Variants in NKAIN3 observed in about 807,000 individuals in gnomAD.
The protein encoded by NKAIN3 is sodium/potassium transporting ATPase interacting 3, also known as sodium/potassium-transporting ATPase subunit beta-1-interacting protein 3.
NKAIN3 carries 25 observed loss-of-function variants against 30.2 expected under a neutral mutation model. The ratio of observed to expected loss-of-function variants is 0.83; its 90% CI spans 0.60 to 1.16. The LOEUF (loss-of-function observed/expected upper bound fraction) is 1.16. Among genes scored for constraint, NKAIN3 ranks in the 50% most tolerant of loss-of-function variants. The probability of loss-of-function intolerance (pLI) is 0.00; values close to 1 mark genes in which losing one functional copy is unlikely to be tolerated. For missense variants in NKAIN3, 225 were observed against 254.1 expected (o/e 0.89, Z 0.78); for synonymous variants, 91 against 89.6 (o/e 1.02, Z -0.09).
intron 1 of NKAIN3, among the ~76,000 whole-genome samples, chr8:62,435,903 G>A (rs903799098): frequency 6.6e-6 from 1 of 152,098 alleles, no homozygotes; most frequent in Non-Finnish European, 1.5e-5. Flanking sequence ...ATTCAAAAAT[G>A]TAAAGACAAC....
chr8:62,879,234 G>T (rs1820896690), intron 4 of NKAIN3, among the ~76,000 whole-genome samples: 1 of 152,140 alleles, frequency 6.6e-6, no homozygotes, highest in Non-Finnish European at 1.5e-5. Context: ...TCTCATTGTG[G>T]TTTTGATTTG....
Position 62,967,749 on chromosome 8 carries a change from T to C in NKAIN3, c.*2342T>C, listed in dbSNP as rs527777079. Among the ~76,000 whole-genome samples, 1 of 152,242 alleles carries C rather than the reference T, an allele frequency of 6.6e-6. No individual in the cohort carries two copies. Among genetic ancestry groups the C allele is most frequent in the East Asian group, 1.9e-4 (1 of 5,172 alleles). ...AGAGAGTCAGTAAAAAAGGATAAAA[T>C]GAGTATTGACATATTTTAAACTGTC... On this transcript the variant is annotated 3_prime_UTR_variant, in exon 7 of 7. Coordinates refer to ENST00000623646, the MANE Select transcript of NKAIN3 (RefSeq NM_001304533.3).
intron 4 of NKAIN3, among the ~76,000 whole-genome samples, chr8:62,880,703 G>A (rs1474336351): frequency 1.3e-5 from 2 of 152,146 alleles, no homozygotes; most frequent in African/African-American, 4.8e-5. Context: ...GACATAGATG[G>A]TTTAGGCATC....
At position 62,928,889 on chromosome 8, in the gene NKAIN3, G is replaced by A. The variant is rs542351346; in HGVS notation, c.532+10376G>A. Reference sequence around the variant, plus strand: ...ACCTGAGAGAGTCTGTCAGAGAAAGGTTCCCTCGCAGACAGGGAGACCCCG... The same window carrying A: ...ACCTGAGAGAGTCTGTCAGAGAAAGATTCCCTCGCAGACAGGGAGACCCCG... On this transcript the variant is annotated intron_variant, in intron 5 of 6. Coordinates refer to ENST00000623646, the MANE Select transcript of NKAIN3 (RefSeq NM_001304533.3). 4.6e-5 allele frequency among the ~76,000 whole-genome samples: 7 copies of A among 152,288 alleles called. No homozygotes were observed. The East Asian group carries it at 1.2e-3, about 25-fold the overall frequency.
At chr8:62,253,759 G>A (rs1382615207) in intron 1 of NKAIN3, among the ~76,000 whole-genome samples, 2 of 152,150 alleles carry the variant, frequency 1.3e-5, no homozygotes, top group East Asian at 1.9e-4. Context: ...GGTGTCTGTA[G>A]GGGGGTGGTG....
At chr8:62,407,261 T>C (rs549012589) in intron 1 of NKAIN3, among the ~76,000 whole-genome samples, 192 of 151,812 alleles carry the variant, frequency 1.3e-3, no homozygotes, top group African/African-American at 4.5e-3. Flanking sequence ...TATATATATA[T>C]ACACAAAAAT....
intron 5 of NKAIN3, among the ~76,000 whole-genome samples, chr8:62,943,539 G>A (rs1823030327): frequency 6.8e-6 from 1 of 146,654 alleles, no homozygotes; most frequent in African/African-American, 2.7e-5. Context: ...CCACTACTGG[G>A]TATCTACCCA....
chr8:62,845,312 T>TATATATATAG (rs1299897352), intron 4 of NKAIN3, among the ~76,000 whole-genome samples: 2 of 140,184 alleles, frequency 1.4e-5, no homozygotes, highest in African/African-American at 5.3e-5. Context: ...TATATATATA[T>TATATATATAG]AGTACCTAAT....
intron 1 of NKAIN3, among the ~76,000 whole-genome samples, chr8:62,514,810 C>T (rs1807931035): frequency 6.6e-6 from 1 of 152,094 alleles, no homozygotes; most frequent in African/African-American, 2.4e-5. Flanking sequence ...ACCGATCTCT[C>T]TTTCCTTCTC....
intron 5 of NKAIN3, among the ~76,000 whole-genome samples, chr8:62,920,289 G>T (rs191968586): frequency 6.6e-6 from 1 of 152,282 alleles, no homozygotes; most frequent in East Asian, 1.9e-4. Context: ...AAAACAAACA[G>T]TCCTCTTTCT....
At chr8:62,791,174 C>T (rs1290159013) in intron 4 of NKAIN3, among the ~76,000 whole-genome samples, 2 of 151,990 alleles carry the variant, frequency 1.3e-5, no homozygotes, top group East Asian at 1.9e-4. Context: ...AGTTTCCACC[C>T]GTTTAGAGGA....
chr8:62,411,299 CATG>C (rs1804229380), intron 1 of NKAIN3, among the ~76,000 whole-genome samples: 1 of 152,092 alleles, frequency 6.6e-6, no homozygotes, highest in South Asian at 2.1e-4. Flanking sequence ...AAAGCAAAAA[CATG>C]AGATCCTTTC....
chr8:62,499,538 T>TG (rs1392712002), intron 1 of NKAIN3, among the ~76,000 whole-genome samples: 1 of 152,164 alleles, frequency 6.6e-6, no homozygotes, highest in Non-Finnish European at 1.5e-5. Flanking sequence ...ATTTTATTTG[T>TG]GTCAATTTAG....
At chr8:62,744,404 T>C (rs1182205083) in intron 3 of NKAIN3, among the ~76,000 whole-genome samples, 2 of 152,228 alleles carry the variant, frequency 1.3e-5, no homozygotes, top group Non-Finnish European at 2.9e-5. Context: ...GTGTAACAAA[T>C]ATGTATGATT....
At chr8:62,816,693 A>G (rs1251692325) in intron 4 of NKAIN3, among the ~76,000 whole-genome samples, 2 of 152,116 alleles carry the variant, frequency 1.3e-5, no homozygotes, top group Non-Finnish European at 2.9e-5. Flanking sequence ...GCTGGTATCA[A>G]GACACTTCAG....
chr8:62,638,249 A>G lies in NKAIN3; in HGVS notation c.273+48455A>G, dbSNP rs185672589. On this transcript the variant is annotated intron_variant, in intron 3 of 6. Transcript: ENST00000623646. ...GAGGACTGATTTTGGATAAAAACCC[A>G]TCTCCACTGTTTTTCTCACACTTGT... Among the ~76,000 whole-genome samples, 3 of 152,232 alleles carry G rather than the reference A, an allele frequency of 2.0e-5. No individual in the cohort carries two copies. In the East Asian group the frequency reaches 5.8e-4, roughly 29 times the overall value.
At chr8:62,704,548 G>T (rs1383038724) in intron 3 of NKAIN3, among the ~76,000 whole-genome samples, 1 of 152,046 alleles carries the variant, frequency 6.6e-6, no homozygotes, top group Non-Finnish European at 1.5e-5. Flanking sequence ...TGTAAAAGTT[G>T]GGATAAGAAT....
At chr8:62,608,784 GA>G (rs1477916829) in intron 3 of NKAIN3, among the ~76,000 whole-genome samples, 3 of 152,012 alleles carry the variant, frequency 2.0e-5, no homozygotes, top group African/African-American at 7.2e-5. Context: ...GCTTTGGGGG[GA>G]TCTAATCAAT....
chr8:62,970,389 C>G lies in NKAIN3; in HGVS notation c.*4982C>G, dbSNP rs753360955. Among the ~76,000 whole-genome samples the G allele has an allele frequency of 5.3e-5, 8 of 152,052 alleles. No individual in the cohort carries two copies. Among genetic ancestry groups the G allele is most frequent in the African/African-American group, 1.9e-4 (8 of 41,382 alleles). The stretch of plus-strand genomic sequence containing the variant: ...TATTGAAGACTAAAAAGAAAAATGC[C>G]ACTTCTTGAAGGTGGATACAGCTTC... On this transcript the variant is annotated 3_prime_UTR_variant, in exon 7 of 7. Coordinates refer to ENST00000623646, the MANE Select transcript of NKAIN3 (RefSeq NM_001304533.3).
Sources: allele counts gnomAD v4.1 joint callset (sites outside exome capture counted in the v4.1 genomes callset), GRCh38; gene constraint gnomAD v4.1.1; transcripts MANE v1.5; gene names NCBI Gene and HGNC (gene_info 2026-07-23, HGNC 2026-07-21).